DNAH9: variants seen among roughly 807,000 people sequenced by gnomAD.
The protein encoded by DNAH9 is DNAH9 variant protein.
Under a neutral mutation model 471.6 loss-of-function variants are expected in DNAH9, and 345 were observed. The ratio of observed to expected loss-of-function variants is 0.73; its 90% confidence interval spans 0.67 to 0.80. The LOEUF (loss-of-function observed/expected upper bound fraction) is 0.80, where lower values mean the gene tolerates loss of function less well. DNAH9 is among the 30% of genes least tolerant of loss of function. DNAH9 has a pLI of 0.00. For missense variants in DNAH9, 5,407 were observed against 5,609.2 expected (o/e 0.96, Z 1.15); for synonymous variants, 2,093 against 2,123.6 (o/e 0.99, Z 0.40).
At chr17:11,858,678 G>A (rs1699641368) in intron 50 of DNAH9, among the ~76,000 whole-genome samples, 1 of 152,164 alleles carries the variant, frequency 6.6e-6, no homozygotes, top group African/African-American at 2.4e-5. Flanking sequence ...TATTGAGGCA[G>A]TTGACCTTCT....
At chr17:11,600,849 A>G (rs2072370858) in intron 1 of DNAH9, among the ~76,000 whole-genome samples, 1 of 152,186 alleles carries the variant, frequency 6.6e-6, no homozygotes, top group Non-Finnish European at 1.5e-5. Context: ...TTCACCCAAC[A>G]ATTTCCAAGT....
chr17:11,855,789 A>G (rs1248501621), intron 50 of DNAH9, among the ~76,000 whole-genome samples: 1 of 152,200 alleles, frequency 6.6e-6, no homozygotes. Flanking sequence ...ATCCTGGAAG[A>G]TAGCATAGCA....
chr17:11,692,437 G>A (rs1232615889), intron 20 of DNAH9, among the ~76,000 whole-genome samples: 4 of 152,178 alleles, frequency 2.6e-5, no homozygotes, highest in Admixed American at 2.6e-4. Context: ...GATACTGTGA[G>A]TGTGTATGTC....
Position 11,727,335 on chromosome 17 carries a change from G to A in DNAH9, c.5710-483G>A, listed in dbSNP as rs191696193. 3.9e-3 allele frequency among the ~76,000 whole-genome samples: 600 copies of A among 151,970 alleles called. 3 individuals are homozygous for A. Among genetic ancestry groups the A allele is most frequent in the African/African-American group, 0.013 (559 of 41,456 alleles). On this transcript the variant is annotated intron_variant, in intron 27 of 68. Transcript: ENST00000262442. ...TTGTGTGTATGTGTTTTTGTTTTTT[G>A]GTTTTGGTTTTTGTTTTTTTAACAG... is the stretch of plus-strand genomic sequence containing the variant.
chr17:11,791,908 A>G (rs1039137933), intron 41 of DNAH9, among the ~76,000 whole-genome samples: 6 of 152,178 alleles, frequency 3.9e-5, no homozygotes, highest in African/African-American at 1.4e-4. Flanking sequence ...GCATGAAGAC[A>G]CAGAAAAGTT....
At chr17:11,602,414 C>T (rs2072405353) in intron 1 of DNAH9, among the ~76,000 whole-genome samples, 1 of 152,164 alleles carries the variant, frequency 6.6e-6, no homozygotes, top group Non-Finnish European at 1.5e-5. Context: ...ATCCTGGCTC[C>T]TCCTGGAGGA....
chr17:11,776,173 T>G (rs971876892), intron 38 of DNAH9, among the ~76,000 whole-genome samples: 1 of 152,148 alleles, frequency 6.6e-6, no homozygotes, highest in Admixed American at 6.5e-5. Flanking sequence ...CCGCAAGTAG[T>G]GGAAAATCTG....
intron 48 of DNAH9, 73 bp downstream of exon 48, chr17:11,823,107 G>GAA: frequency 8.6e-6 from 11 of 1,285,536 alleles, no homozygotes; most frequent in Non-Finnish European, 1.2e-5. Context: ...CAGTGAACTG[G>GAA]AGGGATCACA....
intron 10 of DNAH9, among the ~76,000 whole-genome samples, chr17:11,643,614 A>G (rs1272012950): frequency 6.6e-5 from 10 of 152,240 alleles, no homozygotes. Flanking sequence ...TCTGTGGTCT[A>G]GAGTATTGTT....
At chr17:11,695,034 G>A (rs2074449412) in intron 22 of DNAH9, among the ~76,000 whole-genome samples, 1 of 150,826 alleles carries the variant, frequency 6.6e-6, no homozygotes, top group South Asian at 2.1e-4. Context: ...GACCACAGGT[G>A]CATGCCACCA....
Position 11,745,306 on chromosome 17 carries a change from C to T in DNAH9, c.6399+222C>T, listed in dbSNP as rs148302786. Among the ~76,000 whole-genome samples, 10 of 152,266 alleles carry T rather than the reference C, an allele frequency of 6.6e-5. No individual in the cohort carries two copies. In the East Asian group the frequency reaches 1.9e-3, roughly 29 times the overall value. Reference sequence around the variant, plus strand: ...AGTTGGAGGATCCTTACTTTACAGCCCTTCCATTCTGTTTGGTGTACCTCA... The same window carrying T: ...AGTTGGAGGATCCTTACTTTACAGCTCTTCCATTCTGTTTGGTGTACCTCA... On this transcript the variant is annotated intron_variant, in intron 31 of 68. Transcript: ENST00000262442.
At chr17:11,839,056 A>G (rs72815405) in intron 49 of DNAH9, among the ~76,000 whole-genome samples, 9,550 of 152,272 alleles carry the variant, frequency 0.063, 784 homozygotes, top group East Asian at 0.42. Flanking sequence ...TAAATCCAGT[A>G]TAACTTTTTC....
intron 50 of DNAH9, among the ~76,000 whole-genome samples, chr17:11,865,165 TG>T (rs770300598): frequency 6.6e-6 from 1 of 152,224 alleles, no homozygotes; most frequent in South Asian, 2.1e-4. Context: ...TGGTACCGGT[TG>T]TTCCTTTCCA....
In DNAH9 at chr17:11,887,988, G is replaced by GTTTT. The variant is rs548088382; in HGVS notation, c.11112+1032_11112+1035dup. Reference sequence around the variant, plus strand: ...TGTTTATAATATTTTATGGTTTTTTGTTTTTTTTTTTTGAGAGGGAGTCTC... The same window carrying GTTTT: ...TGTTTATAATATTTTATGGTTTTTTGTTTTTTTTTTTTTTTTGAGAGGGAGTCTC... On this transcript the variant is annotated intron_variant, in intron 57 of 68. Transcript: ENST00000262442. 2.2e-3 allele frequency among the ~76,000 whole-genome samples: 314 copies of GTTTT among 143,798 alleles called. 1 individual carries two copies. Among genetic ancestry groups the GTTTT allele is most frequent in the African/African-American group, 7.1e-3 (280 of 39,408 alleles). The allele number at this position is 143,798 out of a possible 152,430, so 94.3% of individuals were successfully genotyped here.
intron 49 of DNAH9, 126 bp downstream of exon 49, chr17:11,835,024 G>A: frequency 7.9e-7 from 1 of 1,270,252 alleles, no homozygotes. Flanking sequence ...AACTGTCACT[G>A]ATTTGCTCAT....
At chr17:11,825,363 G>A (rs1358138702) in intron 48 of DNAH9, among the ~76,000 whole-genome samples, 1 of 152,066 alleles carries the variant, frequency 6.6e-6, no homozygotes, top group Non-Finnish European at 1.5e-5. Flanking sequence ...TTTTCCACCA[G>A]CCCTGTTCTC....
At chr17:11,646,129 G>A (rs538747364) in intron 11 of DNAH9, among the ~76,000 whole-genome samples, 11 of 151,708 alleles carry the variant, frequency 7.3e-5, no homozygotes, top group African/African-American at 2.7e-4. Flanking sequence ...TCTGCCTGCC[G>A]TGGCCTCCTA....
chr17:11,716,529 G>C (rs2074967180), intron 26 of DNAH9, among the ~76,000 whole-genome samples: 1 of 151,994 alleles, frequency 6.6e-6, no homozygotes, highest in Non-Finnish European at 1.5e-5. Flanking sequence ...TTCCATCTCT[G>C]GAGTTCTGTT....
intron 38 of DNAH9, among the ~76,000 whole-genome samples, chr17:11,778,068 C>T (rs1271910015): frequency 1.3e-5 from 2 of 151,900 alleles, no homozygotes; most frequent in African/African-American, 2.4e-5. Context: ...GAAGACCTTA[C>T]TGGAAAAATA....
Sources: allele counts gnomAD v4.1 joint callset (sites outside exome capture counted in the v4.1 genomes callset), GRCh38; gene constraint gnomAD v4.1.1; transcripts MANE v1.5; gene names NCBI Gene and HGNC (gene_info 2026-07-23, HGNC 2026-07-21).